Variants in AK7 observed in about 807,000 individuals in gnomAD.
AK7 encodes the protein ATP-AMP transphosphorylase 7.
A neutral mutation model predicts 96.6 loss-of-function variants in AK7; 78 were observed. That is an observed-to-expected ratio of 0.81 (90% CI 0.67 to 0.97). The LOEUF (loss-of-function observed/expected upper bound fraction) is 0.97, where lower values mean the gene tolerates loss of function less well. Ranked by LOEUF, AK7 falls within the 50% of genes least tolerant of loss-of-function variation. The pLI, the probability that AK7 is intolerant of heterozygous loss-of-function variation, is 0.00. For missense variants in AK7, 855 were observed against 887.9 expected, an observed-to-expected ratio of 0.96 and a Z score of 0.47; for synonymous variants, 302 against 317.2, an observed-to-expected ratio of 0.95 and a Z score of 0.51.
intron 12 of AK7, among the ~76,000 whole-genome samples, chr14:96,464,849 A>G (rs1894469733): frequency 6.6e-6 from 1 of 152,184 alleles, no homozygotes. Flanking sequence ...TCTTGTGACC[A>G]AAAGTGCTCA....
intron 5 of AK7, among the ~76,000 whole-genome samples, chr14:96,430,104 A>G (rs1380376521): frequency 6.6e-6 from 1 of 152,042 alleles, no homozygotes; most frequent in East Asian, 1.9e-4. Context: ...TGGGTTTGTC[A>G]TAAATAGCTC....
intron 4 of AK7, among the ~76,000 whole-genome samples, chr14:96,410,350 C>G (rs1407433947): frequency 6.6e-6 from 1 of 152,174 alleles, no homozygotes; most frequent in Non-Finnish European, 1.5e-5. Context: ...GACTGGCTGA[C>G]CACTGTGCTA....
intron 5 of AK7, chr14:96,421,465 G>A (rs1320036889): frequency 6.6e-6 from 1 of 152,178 alleles, no homozygotes; most frequent in Non-Finnish European, 1.5e-5. Context: ...CTGGCGTGGA[G>A]CTGAGATTCA....
chr14:96,471,577 C>T lies in AK7; in HGVS notation c.1457C>T (p.Thr486Ile), dbSNP rs1429915086. The change falls in exon 13 of 18, where the codon ACC becomes ATC. Residue 486 changes from threonine to isoleucine, a missense_variant. Thr to Ile is a moderately conservative substitution (Grantham distance 89, BLOSUM62 -1). Transcript: ENST00000267584. ...QGYILDGFPK[T>I]YDQAKDLFNQ... ...TATATTTTGGATGGATTCCCAAAGACCTATGATCAAGCAAAAGACCTGTTC... is the reference window on the plus strand; with the variant it reads ...TATATTTTGGATGGATTCCCAAAGATCTATGATCAAGCAAAAGACCTGTTC... 4.4e-6 allele frequency: 7 copies of T among 1,593,410 alleles called. No homozygotes were observed. The highest frequency in any genetic ancestry group is 6.0e-6 in the Non-Finnish European group (7 of 1,172,398).
At chr14:96,397,377 T>C (rs1033151931) in intron 1 of AK7, among the ~76,000 whole-genome samples, 2 of 151,908 alleles carry the variant, frequency 1.3e-5, no homozygotes, top group African/African-American at 4.8e-5. Flanking sequence ...GCCTCCCGAG[T>C]AGCGGGGACT....
At chr14:96,394,793 T>A (rs931933539) in intron 1 of AK7, among the ~76,000 whole-genome samples, 1 of 152,166 alleles carries the variant, frequency 6.6e-6, no homozygotes, top group Non-Finnish European at 1.5e-5. Context: ...CTGGCCAACA[T>A]AGCAAAATCC....
chr14:96,455,388 G>A (rs1365618256), intron 10 of AK7, among the ~76,000 whole-genome samples: 1 of 152,100 alleles, frequency 6.6e-6, no homozygotes, highest in Non-Finnish European at 1.5e-5. Context: ...GTGAGGCTGA[G>A]CTGGGAGGAT....
chr14:96,479,237 C>T (rs570799552), intron 15 of AK7, among the ~76,000 whole-genome samples: 44 of 152,000 alleles, frequency 2.9e-4, no homozygotes, highest in Non-Finnish European at 6.0e-4. Context: ...CCACAGTGCC[C>T]GGCTAATTTT....
At chr14:96,448,816 C>T (rs185266167) in intron 8 of AK7, among the ~76,000 whole-genome samples, 183 of 151,918 alleles carry the variant, frequency 1.2e-3, no homozygotes, top group African/African-American at 3.2e-3. Flanking sequence ...ATTAGCCAGG[C>T]GTGGTGATGC....
intron 12 of AK7, among the ~76,000 whole-genome samples, chr14:96,462,787 A>AT (rs1029724186): frequency 1.7e-4 from 25 of 150,484 alleles, no homozygotes; most frequent in Admixed American, 4.0e-4. Flanking sequence ...CAGCTATCTA[A>AT]TTTTTTTTTT....
rs202091539 is a variant in AK7, at chr14:96,483,123, G to A, written c.1878G>A (p.Ala626=). The A allele has an allele frequency of 2.8e-5, 45 of 1,614,136 alleles. No homozygotes were observed. The South Asian group carries it at 4.0e-4, about 14-fold the overall frequency. ...EEKAEEERKA[A]EERLAREAAE... ...AGGCAGAAGAGGAGCGGAAGGCTGC[G>A]GAGGAGCGGCTGGCCAGGGAGGCTG... The change falls in exon 16 of 18, where the codon GCG becomes GCA. Residue 626 remains alanine (A), a synonymous_variant. Transcript: ENST00000267584.
At chr14:96,400,894 T>A (rs73349247) in intron 2 of AK7, among the ~76,000 whole-genome samples, 3,999 of 152,180 alleles carry the variant, frequency 0.026, 190 homozygotes, top group African/African-American at 0.091. Context: ...GAAGAGGAAA[T>A]GTAAGTTTGT....
At chr14:96,437,419 A>G (rs969639158) in intron 5 of AK7, among the ~76,000 whole-genome samples, 1 of 152,178 alleles carries the variant, frequency 6.6e-6, no homozygotes, top group Non-Finnish European at 1.5e-5. Context: ...CTGCTTGTCC[A>G]GAGTGAAGTG....
intron 16 of AK7, among the ~76,000 whole-genome samples, chr14:96,483,570 C>A (rs796629910): frequency 2.6e-5 from 4 of 152,116 alleles, no homozygotes; most frequent in African/African-American, 9.6e-5. Context: ...TACAGGTGTG[C>A]ACCACCAAGC....
intron 4 of AK7, among the ~76,000 whole-genome samples, chr14:96,411,681 A>T (rs781489200): frequency 6.6e-5 from 10 of 152,174 alleles, no homozygotes; most frequent in Admixed American, 2.0e-4. Flanking sequence ...ATCCAGGAGG[A>T]TGAGGAAGTC....
chr14:96,441,989 G>A (rs188425036), intron 6 of AK7, among the ~76,000 whole-genome samples: 1 of 152,136 alleles, frequency 6.6e-6, no homozygotes, highest in Admixed American at 6.6e-5. Context: ...TCACTGCTTA[G>A]AACCCTTCAA....
chr14:96,484,305 A>C (rs1329105749), intron 16 of AK7, among the ~76,000 whole-genome samples: 2 of 152,086 alleles, frequency 1.3e-5, no homozygotes, highest in Non-Finnish European at 2.9e-5. Flanking sequence ...TCTACTTCTG[A>C]TCAGGGGCAG....
At chr14:96,448,586 C>T (rs1893379109) in intron 8 of AK7, among the ~76,000 whole-genome samples, 1 of 138,810 alleles carries the variant, frequency 7.2e-6, no homozygotes, top group African/African-American at 2.7e-5. Flanking sequence ...GCTATAATTG[C>T]ACCACTGCAC....
intron 5 of AK7, among the ~76,000 whole-genome samples, chr14:96,430,969 C>G (rs1301223224): frequency 1.3e-5 from 2 of 152,048 alleles, no homozygotes; most frequent in Non-Finnish European, 2.9e-5. Flanking sequence ...TTGGTCTATT[C>G]AGGGATTCAA....
Sources: allele counts gnomAD v4.1 joint callset (sites outside exome capture counted in the v4.1 genomes callset), GRCh38; gene constraint gnomAD v4.1.1; transcripts MANE v1.5; gene names NCBI Gene and HGNC (gene_info 2026-07-23, HGNC 2026-07-21).